The following CRYM variants were observed in gnomAD, a reference collection of about 807,000 sequenced individuals.
CRYM encodes ketimine reductase mu-crystallin.
In CRYM, 18 loss-of-function variants were observed where a neutral mutation model predicts 32.9. The ratio of observed to expected loss-of-function variants is 0.55; its 90% CI spans 0.38 to 0.81. The LOEUF (loss-of-function observed/expected upper bound fraction) is 0.81. CRYM is among the 30% of genes least tolerant of loss of function. The pLI is 0.00. For missense variants in CRYM, 337 were observed against 393.5 expected, an observed-to-expected ratio of 0.86 and a Z score of 1.21; for synonymous variants, 153 against 152.4, an observed-to-expected ratio of 1.00 and a Z score of -0.03.
intron 5 of CRYM, among the ~76,000 whole-genome samples, chr16:21,264,685 G>T (rs759289561): frequency 7.2e-5 from 11 of 152,228 alleles, no homozygotes; most frequent in Non-Finnish European, 7.3e-5. Context: ...GAAAACAGAA[G>T]AGATGCCTTG....
At chr16:21,301,291 G>T (rs1278882921) in intron 1 of CRYM, 3 of 152,350 alleles carry the variant, frequency 2.0e-5, no homozygotes, top group Non-Finnish European at 4.4e-5. Flanking sequence ...GTCCAGGAGG[G>T]TCGACAAGGC....
intron 5 of CRYM, among the ~76,000 whole-genome samples, chr16:21,267,086 C>T (rs182710): frequency 0.35 from 53,215 of 151,914 alleles, 11,150 homozygotes; most frequent in African/African-American, 0.59. Context: ...TTTTACATTT[C>T]TTGGAGCAAA....
intron 1 of CRYM, among the ~76,000 whole-genome samples, chr16:21,291,408 T>C (rs1220412123): frequency 6.6e-6 from 1 of 152,184 alleles, no homozygotes; most frequent in Non-Finnish European, 1.5e-5. Flanking sequence ...ATGTGAATAA[T>C]TCTACCTACA....
chr16:21,274,078 G>A (rs138740320), intron 3 of CRYM, among the ~76,000 whole-genome samples: 2 of 152,208 alleles, frequency 1.3e-5, no homozygotes, highest in Admixed American at 6.5e-5. Context: ...GGGTTACCAC[G>A]TTTCCTTTAT....
chr16:21,274,910 T>G (rs1219060178), intron 3 of CRYM, among the ~76,000 whole-genome samples: 1 of 152,152 alleles, frequency 6.6e-6, no homozygotes, highest in African/African-American at 2.4e-5. Context: ...CCAGCCTGTG[T>G]TTTCCTTTTT....
At chr16:21,296,256 A>T (rs752281088) in intron 1 of CRYM, among the ~76,000 whole-genome samples, 1 of 152,218 alleles carries the variant, frequency 6.6e-6, no homozygotes, top group Non-Finnish European at 1.5e-5. Flanking sequence ...TTAAGTAAAC[A>T]TTTAAGAAAC....
intron 3 of CRYM, among the ~76,000 whole-genome samples, chr16:21,272,751 G>A (rs996123758): frequency 1.4e-5 from 2 of 146,830 alleles, no homozygotes; most frequent in South Asian, 4.3e-4. Flanking sequence ...CAGGATTCAA[G>A]CAATTCCCTT....
chr16:21,259,399 C>T (rs953165224), intron 7 of CRYM, among the ~76,000 whole-genome samples: 7 of 152,006 alleles, frequency 4.6e-5, no homozygotes, highest in Admixed American at 2.6e-4. Flanking sequence ...TGAGCCACCA[C>T]GCCTGGCCTG....
chr16:21,297,423 A>C (rs1322819589), intron 1 of CRYM, among the ~76,000 whole-genome samples: 1 of 152,204 alleles, frequency 6.6e-6, no homozygotes, highest in Non-Finnish European at 1.5e-5. Context: ...ACAAAGACTC[A>C]TGAACACAAG....
chr16:21,283,042 C>G (rs886130586), upstream of CRYM, among the ~76,000 whole-genome samples: 1 of 152,070 alleles, frequency 6.6e-6, no homozygotes, highest in African/African-American at 2.4e-5. Context: ...CTCTTTTCCC[C>G]GCCCTTCCCT....
chr16:21,282,135 T>C (rs573873091), upstream of CRYM, among the ~76,000 whole-genome samples: 39 of 152,338 alleles, frequency 2.6e-4, no homozygotes, highest in South Asian at 7.5e-3. Flanking sequence ...TCACGAGATC[T>C]GATGGTTTTA....
rs1161996470 is a variant in CRYM, at chr16:21,298,436, A to G, written c.-193+4542T>C. ...AATGGGAAATATACAACATTCATAT[A>G]CCAGATTACTGTGCAGAAAGGAAAA... On this transcript the variant is annotated intron_variant, in intron 1 of 9. Coordinates refer to the CRYM transcript ENST00000219599. 2.6e-5 allele frequency among the ~76,000 whole-genome samples: 4 copies of G among 152,244 alleles called. No homozygotes were observed. The East Asian group carries it at 7.7e-4, about 29-fold the overall frequency.
chr16:21,277,708 G>A lies in CRYM; in HGVS notation c.171-124C>T, dbSNP rs1254583833. The A allele has an allele frequency of 3.9e-6, 4 of 1,036,120 alleles. No homozygotes were observed. Among genetic ancestry groups the A allele is most frequent in the South Asian group, 1.4e-5 (1 of 70,862 alleles). The allele number at this position is 1,036,120 out of a possible 1,614,324, so 64.2% of individuals were successfully genotyped here. A position where few individuals can be genotyped will look rare whatever the true frequency, so the allele number is the denominator to read the frequency against. ...CCCCACTGGCCCTCTTCCAGCCCCC[G>A]CATCCCTCTGCCCTTCCCTTAGACA... On this transcript the variant is annotated intron_variant, in intron 1 of 7. Transcript: ENST00000572914. The surrounding 1 kb of genome is among the most constrained non-coding windows in gnomAD (Gnocchi z 4.2).
intron 5 of CRYM, among the ~76,000 whole-genome samples, chr16:21,266,874 G>A (rs2093364739): frequency 6.6e-6 from 1 of 151,776 alleles, no homozygotes; most frequent in African/African-American, 2.4e-5. Context: ...GGGCATGGTG[G>A]CACATGCCTG....
chr16:21,258,732 C>T lies in CRYM; in HGVS notation c.*49G>A. The T allele has an allele frequency of 6.7e-7, 1 of 1,501,080 alleles. No homozygotes were observed. The highest frequency in any genetic ancestry group is 1.4e-5 in the African/African-American group (1 of 72,764). 93.0% of individuals were successfully genotyped at this position (1,501,080 alleles called of 1,614,324 possible). The stretch of plus-strand genomic sequence containing the variant: ...CATTTACTCTAGAAATTATGAGAAC[C>T]AGCAGCAATATTCCTCAAGCATCCA... On this transcript the variant is annotated 3_prime_UTR_variant, in exon 8 of 8. Coordinates refer to ENST00000572914, the MANE Select transcript of CRYM (RefSeq NM_001376256.1).
At chr16:21,297,316 C>A (rs1173343933) in intron 1 of CRYM, among the ~76,000 whole-genome samples, 1 of 152,004 alleles carries the variant, frequency 6.6e-6, no homozygotes, top group Non-Finnish European at 1.5e-5. Flanking sequence ...ATTGCTTGAT[C>A]CGGGAGGCAG....
At chr16:21,261,647 C>A (rs2093354719) in intron 6 of CRYM, 8 of 490,124 alleles carry the variant, frequency 1.6e-5, no homozygotes, top group South Asian at 1.5e-4. Context: ...AACATGCATG[C>A]CAGCAGCTCC....
intron 2 of CRYM, among the ~76,000 whole-genome samples, chr16:21,276,088 C>G (rs1468302809): frequency 1.3e-5 from 2 of 152,200 alleles, no homozygotes; most frequent in Non-Finnish European, 2.9e-5. Context: ...CAGTCTGTAT[C>G]TCTTCCAGGA....
intron 1 of CRYM, among the ~76,000 whole-genome samples, chr16:21,301,644 T>TCGAGCACCGCCGACAGCTTCA (rs1277746984): frequency 6.6e-6 from 1 of 152,148 alleles, no homozygotes; most frequent in Admixed American, 6.5e-5. Context: ...CGTGCTCCCC[T>TCGAGCACCGCCGACAGCTTCA]CGAGCACCGC....
Sources: gnomAD v4.1 joint callset for allele counts (sites outside exome capture counted in the v4.1 genomes callset) on GRCh38, gnomAD v4.1.1 for gene constraint, Gnocchi (gnomAD v3.1) non-coding constraint, MANE v1.5 for transcripts, NCBI Gene and HGNC (gene_info 2026-07-23, HGNC 2026-07-21) for gene names.